The following NDFIP2 variants were observed in gnomAD, a reference collection of about 807,000 sequenced individuals.
NDFIP2 encodes the protein NEDD4 family-interacting protein 2.
NDFIP2 carries 19 observed loss-of-function variants against 36.0 expected under a neutral mutation model. The observed-to-expected ratio is 0.53, with a 90% CI of 0.37 to 0.77. The LOEUF is 0.77. Ranked by LOEUF, NDFIP2 falls within the 30% of genes least tolerant of loss-of-function variation. The pLI, the probability that NDFIP2 is intolerant of heterozygous loss-of-function variation, is 0.00. For synonymous variants in NDFIP2, 181 were observed against 167.7 expected, an observed-to-expected ratio of 1.08 and a Z score of -0.61; for missense variants, 446 against 435.8, an observed-to-expected ratio of 1.02 and a Z score of -0.21.
At position 79,482,169 on chromosome 13, in the gene NDFIP2, CTTTTTTTTT is replaced by C. The variant is rs10558361; in HGVS notation, c.321+663_321+671del. The stretch of plus-strand genomic sequence containing the variant: ...CCACTTTTTCTTTCTTTCTTTCTTT[CTTTTTTTTT>C]TTTTTTTTTTTTTTTTTGGTTAGAG... On this transcript the variant is annotated intron_variant, in intron 1 of 7. Coordinates refer to ENST00000218652, the MANE Select transcript of NDFIP2 (RefSeq NM_019080.3). Among the ~76,000 whole-genome samples the C allele has an allele frequency of 5.3e-4, 40 of 75,888 alleles. 1 individual carries two copies. The highest frequency in any genetic ancestry group is 8.8e-4 in the African/African-American group (18 of 20,446). The allele number at this position is 75,888 out of a possible 152,430, so 49.8% of individuals were successfully genotyped here. A position where few individuals can be genotyped will look rare whatever the true frequency, so the allele number is the denominator to read the frequency against.
intron 1 of NDFIP2, among the ~76,000 whole-genome samples, chr13:79,517,230 T>A (rs753276393): frequency 6.6e-6 from 1 of 152,148 alleles, no homozygotes; most frequent in Non-Finnish European, 1.5e-5. Flanking sequence ...GGCTCATAAG[T>A]AGGAAGAGCA....
intron 1 of NDFIP2, among the ~76,000 whole-genome samples, chr13:79,514,600 C>A (rs1170264677): frequency 6.6e-6 from 1 of 152,138 alleles, no homozygotes; most frequent in Non-Finnish European, 1.5e-5. Flanking sequence ...AAACTGAAAT[C>A]TGAACAATAT....
At chr13:79,538,133 G>A (rs757765785) in intron 3 of NDFIP2, among the ~76,000 whole-genome samples, 5 of 152,030 alleles carry the variant, frequency 3.3e-5, no homozygotes, top group South Asian at 4.2e-4. Flanking sequence ...TGAGAACAGC[G>A]CCCAGGAAAA....
intron 3 of NDFIP2, 82 bp downstream of exon 3, chr13:79,533,538 TTGTG>T (rs943283763): frequency 1.7e-5 from 23 of 1,328,906 alleles, no homozygotes; most frequent in East Asian, 1.3e-4. Flanking sequence ...AAACAGTTCT[TTGTG>T]TGTAAGTGTG....
chr13:79,489,962 A>G lies in NDFIP2; in HGVS notation c.321+8438A>G, dbSNP rs114499528. ...GCCCTGGCCTGTGATGAGGAAGTCA[A>G]TCTCCCCTTTCTGTAGACCTTGTTT... On this transcript the variant is annotated intron_variant, in intron 1 of 7. Coordinates refer to ENST00000218652, the MANE Select transcript of NDFIP2 (RefSeq NM_019080.3). 4.3e-3 allele frequency among the ~76,000 whole-genome samples: 651 copies of G among 152,280 alleles called. 7 individuals are homozygous for G. The highest frequency in any genetic ancestry group is 0.015 in the African/African-American group (621 of 41,554).
chr13:79,523,145 G>A (rs2137089080), intron 2 of NDFIP2, among the ~76,000 whole-genome samples: 1 of 152,298 alleles, frequency 6.6e-6, no homozygotes, highest in South Asian at 2.1e-4. Flanking sequence ...GAACACCAGT[G>A]GATGCCTAGA....
chr13:79,498,024 T>A (rs1220233944), intron 1 of NDFIP2, among the ~76,000 whole-genome samples: 1 of 151,812 alleles, frequency 6.6e-6, no homozygotes, highest in Non-Finnish European at 1.5e-5. Context: ...TTCAAAGATG[T>A]GTGTGTATGC....
At chr13:79,501,659 A>G (rs912639773) in intron 1 of NDFIP2, among the ~76,000 whole-genome samples, 8 of 152,142 alleles carry the variant, frequency 5.3e-5, no homozygotes, top group Admixed American at 2.6e-4. Flanking sequence ...GCTTTGGCAT[A>G]TAACACTTTG....
At chr13:79,502,424 G>T (rs139576257) in intron 1 of NDFIP2, among the ~76,000 whole-genome samples, 1 of 152,080 alleles carries the variant, frequency 6.6e-6, no homozygotes, top group Non-Finnish European at 1.5e-5. Flanking sequence ...GTTACACACC[G>T]TCCAGCTTCA....
intron 5 of NDFIP2, among the ~76,000 whole-genome samples, chr13:79,547,049 A>T (rs74100736): frequency 0.045 from 6,776 of 152,032 alleles, 528 homozygotes; most frequent in African/African-American, 0.16. Flanking sequence ...TATAAATTTT[A>T]AAAAATTACT....
chr13:79,504,773 G>A (rs937452981), intron 1 of NDFIP2, among the ~76,000 whole-genome samples: 1 of 152,080 alleles, frequency 6.6e-6, no homozygotes, highest in Non-Finnish European at 1.5e-5. Flanking sequence ...TATAACTTTA[G>A]TGGTTGTCAA....
chr13:79,509,343 G>A (rs1464200436), intron 1 of NDFIP2, among the ~76,000 whole-genome samples: 2 of 152,138 alleles, frequency 1.3e-5, no homozygotes, highest in African/African-American at 2.4e-5. Flanking sequence ...CTTCTGATTG[G>A]CAATTGGTTG....
At chr13:79,551,796 A>G (rs1270521414) in intron 7 of NDFIP2, among the ~76,000 whole-genome samples, 1 of 151,320 alleles carries the variant, frequency 6.6e-6, no homozygotes, top group African/African-American at 2.4e-5. Flanking sequence ...CAGCGGGAGT[A>G]TCTTCACATA....
intron 5 of NDFIP2, among the ~76,000 whole-genome samples, chr13:79,547,953 C>A (rs1594861104): frequency 6.6e-6 from 1 of 151,898 alleles, no homozygotes; most frequent in Non-Finnish European, 1.5e-5. Context: ...TCTGAAGCAG[C>A]GGGTTGCTGT....
chr13:79,499,382 A>G (rs78831999), intron 1 of NDFIP2, among the ~76,000 whole-genome samples: 4,251 of 152,060 alleles, frequency 0.028, 142 homozygotes, highest in African/African-American at 0.081. Flanking sequence ...AGCTCATGCA[A>G]TATGACAAGG....
At position 79,533,369 on chromosome 13, in the gene NDFIP2, C is replaced by T. The variant is rs963263643; in HGVS notation, c.534C>T (p.Ser178=). ...GEFYPVPPPY[S]VATSLPTYDE... is the part of the protein sequence containing the mutation. Reference sequence around the variant, plus strand: ...TTTATCCCGTGCCACCTCCCTATAGCGTTGCTACCTCTCTTCCTACATACG... The same window carrying T: ...TTTATCCCGTGCCACCTCCCTATAGTGTTGCTACCTCTCTTCCTACATACG... Residue 178 remains serine, a synonymous_variant, in exon 3 of 8, where the codon AGC becomes AGT. Transcript: ENST00000218652. The T allele has an allele frequency of 3.7e-6, 6 of 1,611,738 alleles. No individual in the cohort carries two copies. Among genetic ancestry groups the T allele is most frequent in the South Asian group, 3.3e-5 (3 of 90,824 alleles).
rs1222155917 is a variant in NDFIP2, at chr13:79,554,842, A to G, written c.*2329A>G. The G allele has an allele frequency of 6.6e-6, 1 of 151,944 alleles. No individual in the cohort carries two copies. The highest frequency in any genetic ancestry group is 1.5e-5 in the Non-Finnish European group (1 of 67,868). The allele number at this position is 151,944 out of a possible 1,614,324, so 9.4% of individuals were successfully genotyped here. ...GAACTGGGGATTGGAAGTTAATACA[A>G]AAAAATTTCAAATTATTTCTATTGT... On this transcript the variant is annotated 3_prime_UTR_variant, in exon 8 of 8. Transcript: ENST00000218652.
At position 79,554,165 on chromosome 13, in the gene NDFIP2, T is replaced by C. The variant is rs1427976317; in HGVS notation, c.*1652T>C. The C allele has an allele frequency of 6.6e-6, 1 of 151,718 alleles. No individual in the cohort carries two copies. Among genetic ancestry groups the C allele is most frequent in the Non-Finnish European group, 1.5e-5 (1 of 67,664 alleles). 9.4% of individuals were successfully genotyped at this position (151,718 alleles called of 1,614,324 possible). On this transcript the variant is annotated 3_prime_UTR_variant, in exon 8 of 8. Coordinates refer to ENST00000218652, the MANE Select transcript of NDFIP2 (RefSeq NM_019080.3). ...TTTTATTGTTATATTAAAATTTTTA[T>C]TGTTGTATTAAAGTACCTGTGTTAC...
chr13:79,481,410 G>C lies in NDFIP2; in HGVS notation c.207G>C (p.Ser69=). Residue 69 remains serine, a synonymous_variant, in exon 1 of 8, where the codon TCG becomes TCC. Transcript: ENST00000218652. ...GGGRGPAATT[S]STGVAVGAEH... is the part of the protein sequence containing the mutation. ...GAAGGGGCCCTGCGGCGACGACGTC[G>C]TCGACGGGGGTGGCCGTGGGAGCTG... The C allele has an allele frequency of 1.2e-5, 19 of 1,556,996 alleles. No individual in the cohort carries two copies. The highest frequency in any genetic ancestry group is 1.7e-5 in the Non-Finnish European group (19 of 1,150,230).
Sources: gnomAD v4.1 joint callset for allele counts (sites outside exome capture counted in the v4.1 genomes callset) on GRCh38, gnomAD v4.1.1 for gene constraint, MANE v1.5 for transcripts, NCBI Gene and HGNC (gene_info 2026-07-23, HGNC 2026-07-21) for gene names.